Variants in ARID4B observed in about 807,000 individuals in gnomAD.
ARID4B encodes AT-rich interaction domain 4B, also known as AT-rich interactive domain-containing protein 4B.
In ARID4B, 26 loss-of-function variants were observed where a neutral mutation model predicts 147.5. The ratio of observed to expected loss-of-function variants is 0.18; its 90% CI spans 0.13 to 0.24. The LOEUF (loss-of-function observed/expected upper bound fraction) is 0.24, where lower values mean the gene tolerates loss of function less well. Ranked by LOEUF, ARID4B falls within the 10% of genes least tolerant of loss-of-function variation. The pLI, the probability that ARID4B is intolerant of heterozygous loss-of-function variation, is 1.00. For synonymous variants in ARID4B, 512 were observed against 507.9 expected, an observed-to-expected ratio of 1.01 and a Z score of -0.11; for missense variants, 1,179 against 1,511.5, an observed-to-expected ratio of 0.78 and a Z score of 3.65.
intron 2 of ARID4B, among the ~76,000 whole-genome samples, chr1:235,285,567 C>T (rs190680907): frequency 1.3e-5 from 2 of 152,280 alleles, no homozygotes; most frequent in African/African-American, 4.8e-5. Context: ...CAGGGATATC[C>T]ACCTCACCAC....
chr1:235,290,387 G>C (rs1488846524), intron 2 of ARID4B, among the ~76,000 whole-genome samples: 1 of 149,548 alleles, frequency 6.7e-6, no homozygotes, highest in East Asian at 2.0e-4. Flanking sequence ...AGGTTGCAGT[G>C]AGCCAAGATG....
At chr1:235,210,049 G>C (rs1021488338) in intron 17 of ARID4B, among the ~76,000 whole-genome samples, 1 of 151,948 alleles carries the variant, frequency 6.6e-6, no homozygotes, top group Admixed American at 6.6e-5. Context: ...GCAACATAGT[G>C]AGACCCCATC....
intron 8 of ARID4B, among the ~76,000 whole-genome samples, chr1:235,236,835 T>A (rs28610495): frequency 0.047 from 1,040 of 22,294 alleles, 41 homozygotes; most frequent in East Asian, 0.32. Context: ...TTATAAAAAA[T>A]ATATATATAT....
chr1:235,267,979 C>T (rs1670726938), intron 2 of ARID4B, among the ~76,000 whole-genome samples: 1 of 152,072 alleles, frequency 6.6e-6, no homozygotes, highest in Non-Finnish European at 1.5e-5. Context: ...TTCTTCTCTC[C>T]TTTTTCATGT....
At chr1:235,309,747 GAA>G (rs1644788857) in intron 2 of ARID4B, among the ~76,000 whole-genome samples, 1 of 152,256 alleles carries the variant, frequency 6.6e-6, no homozygotes, top group Admixed American at 6.5e-5. Context: ...GAAAGGTGGG[GAA>G]AAGATTGAGA....
chr1:235,313,894 T>A (rs1558307209), intron 2 of ARID4B, among the ~76,000 whole-genome samples: 1 of 152,142 alleles, frequency 6.6e-6, no homozygotes, highest in African/African-American at 2.4e-5. Flanking sequence ...GAATAACAGA[T>A]TTAAGGCTTA....
At chr1:235,282,474 T>C (rs1356367125) in intron 2 of ARID4B, among the ~76,000 whole-genome samples, 1 of 152,190 alleles carries the variant, frequency 6.6e-6, no homozygotes. Context: ...TGTCAAACTT[T>C]TGGAAGCACA....
At position 235,209,725 on chromosome 1, in the gene ARID4B, G is replaced by A. The variant is rs527742839; in HGVS notation, c.1841+4044C>T. Among the ~76,000 whole-genome samples the A allele has an allele frequency of 3.3e-5, 5 of 151,762 alleles. No individual in the cohort carries two copies. The South Asian group carries it at 6.2e-4, about 19-fold the overall frequency. On this transcript the variant is annotated intron_variant, in intron 17 of 23. Transcript: ENST00000264183. ...ATTACAGGCACCTGCCACCATGTCT[G>A]GCTAATTTTTGTATTTTTAGTAGAG...
At chr1:235,220,016 A>C in intron 15 of ARID4B, 48 bp from the exon 16 acceptor site, 1 of 1,274,088 alleles carries the variant, frequency 7.8e-7, no homozygotes, top group East Asian at 2.6e-5. Context: ...AAAATTTTCA[A>C]CCTATATCCA....
chr1:235,311,166 A>C (rs1674021192), intron 2 of ARID4B, among the ~76,000 whole-genome samples: 1 of 151,982 alleles, frequency 6.6e-6, no homozygotes, highest in Admixed American at 6.6e-5. Flanking sequence ...AGACCAGCCT[A>C]GGCAACATAG....
intron 2 of ARID4B, among the ~76,000 whole-genome samples, chr1:235,322,761 T>C (rs1674929624): frequency 6.6e-6 from 1 of 151,890 alleles, no homozygotes; most frequent in Non-Finnish European, 1.5e-5. Flanking sequence ...ATGAAACGGG[T>C]TGTTGTTAAA....
At chr1:235,198,629 T>C (rs1665664435) in intron 17 of ARID4B, among the ~76,000 whole-genome samples, 1 of 152,154 alleles carries the variant, frequency 6.6e-6, no homozygotes, top group African/African-American at 2.4e-5. Context: ...AAAAGAAGGA[T>C]GGTACAAGAG....
At chr1:235,301,728 T>C (rs562354684) in intron 2 of ARID4B, among the ~76,000 whole-genome samples, 1 of 150,934 alleles carries the variant, frequency 6.6e-6, no homozygotes, top group Admixed American at 6.6e-5. Context: ...TCTTTTTTTT[T>C]TGTGAGATGC....
chr1:235,255,224 TAGATAGATAGATAG>T (rs1669881969), intron 5 of ARID4B, among the ~76,000 whole-genome samples: 5 of 100,982 alleles, frequency 5.0e-5, no homozygotes, highest in East Asian at 2.3e-4. Flanking sequence ...GGGAGCTAGA[TAGATAGATAGATAG>T]ATAGATAGAT....
Position 235,168,031 on chromosome 1 carries a change from T to C in ARID4B, c.*494A>G, listed in dbSNP as rs1663070997. 1 of 197,320 alleles carries C rather than the reference T, an allele frequency of 5.1e-6. No homozygotes were observed. The highest frequency in any genetic ancestry group is 2.3e-5 in the African/African-American group (1 of 43,374). 12.2% of individuals were successfully genotyped at this position (197,320 alleles called of 1,614,324 possible). ...AACTGCAGGTTTTGAATTTATTACA[T>C]GTGCTTGACTTATACAATTAAAGCC... On this transcript the variant is annotated 3_prime_UTR_variant, in exon 24 of 24. Transcript: ENST00000264183.
In ARID4B at chr1:235,182,774, T is replaced by G; in HGVS notation, c.2145A>C (p.Glu715Asp). ...NGLQASESSA[E>D]DSEQEDERGA... is the part of the protein sequence containing the mutation. ...CTCTCTCATCTTCCTGCTCACTGTCTTCAGCAGAACTTTCAGAAGCTAGAA... is the reference window on the plus strand; with the variant it reads ...CTCTCTCATCTTCCTGCTCACTGTCGTCAGCAGAACTTTCAGAAGCTAGAA... The change falls in exon 20 of 24, where the codon GAA (glutamate) becomes GAC (aspartate). Residue 715 changes from glutamate to aspartate, a missense_variant. Glu to Asp is a conservative substitution (Grantham distance 45). Coordinates refer to ENST00000264183, the MANE Select transcript of ARID4B (RefSeq NM_016374.6). The G allele has an allele frequency of 6.3e-7, 1 of 1,587,306 alleles. No homozygotes were observed. The highest frequency in any genetic ancestry group is 8.5e-7 in the Non-Finnish European group (1 of 1,169,970).
chr1:235,266,506 C>G (rs1670620166), intron 2 of ARID4B, among the ~76,000 whole-genome samples: 1 of 152,162 alleles, frequency 6.6e-6, no homozygotes, highest in South Asian at 2.1e-4. Flanking sequence ...GTTGTCAAGG[C>G]AACAGCTACC....
intron 2 of ARID4B, among the ~76,000 whole-genome samples, chr1:235,300,350 G>A (rs1311329777): frequency 6.6e-6 from 1 of 152,006 alleles, no homozygotes; most frequent in Non-Finnish European, 1.5e-5. Context: ...CCAGGAGGTG[G>A]AGGTTGTAGT....
rs750619430 is a variant in ARID4B at position 235,177,878 on chromosome 1, C to T, written c.3370G>A (p.Gly1124Arg). ...TGQKRVKDAQ[G>R]GGSSSKKQKR... is the part of the protein sequence containing the mutation. ...TGCTTTTTTGATGAACTTCCTCCTC[C>T]CTGAGCATCTTTCACTCTTTTCTGA... The change falls in exon 21 of 24, where the codon GGA (glycine) becomes AGA (arginine). Residue 1124 changes from glycine to arginine, a missense_variant. This residue lies in a region of ARID4B where 357 missense variants were observed against 427.3 expected (regional missense o/e 0.84). Transcript: ENST00000264183. The T allele has an allele frequency of 1.9e-6, 3 of 1,611,130 alleles. No individual in the cohort carries two copies. Among genetic ancestry groups the T allele is most frequent in the Admixed American group, 3.4e-5 (2 of 59,656 alleles).
Sources: gnomAD v4.1 joint callset for allele counts (sites outside exome capture counted in the v4.1 genomes callset) on GRCh38, gnomAD v4.1.1 for gene constraint, gnomAD v4.1.1 regional missense constraint, MANE v1.5 for transcripts, NCBI Gene and HGNC (gene_info 2026-07-23, HGNC 2026-07-21) for gene names.